ARHGEF33: variants seen among roughly 807,000 people sequenced by gnomAD.
ARHGEF33 encodes Rho guanine nucleotide exchange factor 33.
In ARHGEF33, 72 loss-of-function variants were observed where a neutral mutation model predicts 101.9. The observed-to-expected ratio is 0.71, with a 90% CI of 0.58 to 0.86. The LOEUF is 0.86. Ranked by LOEUF, ARHGEF33 falls within the 40% of genes least tolerant of loss-of-function variation. The pLI is 0.00. For missense variants in ARHGEF33, 1,169 were observed against 1,111.3 expected (o/e 1.05, Z -0.74); for synonymous variants, 499 against 442.5 (o/e 1.13, Z -1.60).
intron 2 of ARHGEF33, among the ~76,000 whole-genome samples, chr2:38,916,022 C>G (rs921314776): frequency 1.3e-5 from 2 of 151,922 alleles, no homozygotes; most frequent in Non-Finnish European, 2.9e-5. Flanking sequence ...GACTCTGTCT[C>G]TACAAAAAAT....
chr2:38,894,424 A>G (rs1193105756), intron 1 of ARHGEF33, among the ~76,000 whole-genome samples: 3 of 2,850 alleles, frequency 1.1e-3, no homozygotes, highest in Non-Finnish European at 0.017. Context: ...ATGCTGGGGG[A>G]AAAAAAAAAA....
chr2:38,958,159 A>T lies in ARHGEF33; in HGVS notation c.1496A>T (p.Gln499Leu), dbSNP rs947822328. The T allele has an allele frequency of 2.6e-6, 4 of 1,551,818 alleles. No individual in the cohort carries two copies. Among genetic ancestry groups the T allele is most frequent in the Non-Finnish European group, 3.5e-6 (4 of 1,147,030 alleles). The part of the protein sequence containing the change: ...DTGIHSEELL[Q>L]PYPSAPSSGP... ...GGGATCCACTCAGAAGAGTTGCTGC[A>T]ACCCTACCCTTCTGCTCCCAGTTCT... Residue 499 changes from glutamine (Q) to leucine (L), a missense_variant, in exon 15 of 18, where the codon CAA becomes CTA. Coordinates refer to ENST00000409978, the MANE Select transcript of ARHGEF33 (RefSeq NM_001145451.5).
At chr2:38,890,797 G>T (rs1665979796) in intron 1 of ARHGEF33, among the ~76,000 whole-genome samples, 1 of 152,052 alleles carries the variant, frequency 6.6e-6, no homozygotes, top group African/African-American at 2.4e-5. Flanking sequence ...TCAACATAAT[G>T]ATCAGAAATG....
chr2:38,929,932 C>T, intron 6 of ARHGEF33, 102 bp downstream of exon 6: 1 of 945,204 alleles, frequency 1.1e-6, no homozygotes, highest in Non-Finnish European at 1.5e-6. Context: ...AGCTAGCTGG[C>T]CACTGTGCTC....
intron 10 of ARHGEF33, among the ~76,000 whole-genome samples, chr2:38,947,539 AC>A (rs1392819857): frequency 2.6e-5 from 4 of 152,208 alleles, no homozygotes; most frequent in African/African-American, 9.6e-5. Context: ...GGCATGAGCC[AC>A]CCTGTGCTCT....
intron 2 of ARHGEF33, among the ~76,000 whole-genome samples, chr2:38,908,518 T>G (rs924088879): frequency 6.6e-6 from 1 of 152,234 alleles, no homozygotes; most frequent in African/African-American, 2.4e-5. Context: ...TCTTGACTGA[T>G]GTAGACACAT....
intron 17 of ARHGEF33, 39 bp from the exon 18 acceptor site, chr2:38,973,675 C>G: frequency 6.9e-7 from 1 of 1,440,750 alleles, no homozygotes; most frequent in Non-Finnish European, 9.2e-7. Context: ...CAATTAAAAC[C>G]AAATCAACCT....
chr2:38,971,915 G>T (rs1346161870), intron 17 of ARHGEF33: 2 of 718,398 alleles, frequency 2.8e-6, no homozygotes, highest in East Asian at 5.4e-5. Flanking sequence ...CTTGGGGCTG[G>T]TGGTGACATC....
In ARHGEF33 at chr2:38,973,979, A is replaced by G. The variant is rs995830947; in HGVS notation, c.*136A>G. On this transcript the variant is annotated 3_prime_UTR_variant, in exon 18 of 18. Transcript: ENST00000409978. ...GTATAAATCCCTGAGGAAAACTAAT[A>G]TAAATACTTACATATGAAACTAAAC... 115 of 507,984 alleles carry G rather than the reference A, an allele frequency of 2.3e-4. No individual in the cohort carries two copies. The highest frequency in any genetic ancestry group is 9.2e-4 in the South Asian group (10 of 10,830). 31.5% of individuals were successfully genotyped at this position (507,984 alleles called of 1,614,324 possible).
chr2:38,904,917 A>T (rs940736821), intron 2 of ARHGEF33, among the ~76,000 whole-genome samples: 4 of 152,168 alleles, frequency 2.6e-5, no homozygotes, highest in African/African-American at 4.8e-5. Flanking sequence ...AAAGCAAAGG[A>T]GAAAATGAAA....
At chr2:38,928,098 C>T (rs527759912) in intron 4 of ARHGEF33, among the ~76,000 whole-genome samples, 6 of 152,272 alleles carry the variant, frequency 3.9e-5, no homozygotes, top group African/African-American at 1.4e-4. Context: ...ATTATTATAG[C>T]TATTTTATGG....
intron 9 of ARHGEF33, among the ~76,000 whole-genome samples, chr2:38,939,254 G>A (rs1024748492): frequency 1.3e-5 from 2 of 152,202 alleles, no homozygotes; most frequent in East Asian, 1.9e-4. Flanking sequence ...GATTACAGGC[G>A]TAAGCCACTG....
chr2:38,973,911 A>AATAT lies in ARHGEF33; in HGVS notation c.*79_*82dup, dbSNP rs369179124. 1.6e-5 allele frequency: 17 copies of AATAT among 1,031,342 alleles called. No homozygotes were observed. The East Asian group carries it at 3.0e-4, about 18-fold the overall frequency. The allele number at this position is 1,031,342 out of a possible 1,614,324, so 63.9% of individuals were successfully genotyped here. A position where few individuals can be genotyped will look rare whatever the true frequency, so the allele number is the denominator to read the frequency against. On this transcript the variant is annotated 3_prime_UTR_variant, in exon 18 of 18. Transcript: ENST00000409978. ...AAAAGCTTGTATATATCTGTGTAGG[A>AATAT]ATATATATATATATCTATATCTATA... is the stretch of plus-strand genomic sequence containing the variant.
Position 38,944,875 on chromosome 2 carries a change from G to GT in ARHGEF33, c.920+845_920+846insT, listed in dbSNP as rs1667401649. On this transcript the variant is annotated intron_variant, in intron 10 of 17. Transcript: ENST00000409978. ...GATCTTATGGTACTGAGTAATGCAT[G>GT]GGTGTGTGTGTGTGTGTGTGTGTGT... Among the ~76,000 whole-genome samples the GT allele has an allele frequency of 4.2e-5, 3 of 70,692 alleles. No individual in the cohort carries two copies. The South Asian group carries it at 1.4e-3, about 34-fold the overall frequency. 46.4% of individuals were successfully genotyped at this position (70,692 alleles called of 152,430 possible).
chr2:38,966,036 T>G lies in ARHGEF33; in HGVS notation c.2374T>G (p.Cys792Gly). 7 of 1,551,690 alleles carry G rather than the reference T, an allele frequency of 4.5e-6. No homozygotes were observed. Among genetic ancestry groups the G allele is most frequent in the Non-Finnish European group, 6.1e-6 (7 of 1,146,970 alleles). Residue 792 changes from cysteine to glycine, a missense_variant, in exon 17 of 18, where the codon TGT becomes GGT. Transcript: ENST00000409978. ...GCATTTAGAAGATACTACCAGATTCTGTCCCAAAGAAGAAAGAGAAAGTGA... is the reference window on the plus strand; with the variant it reads ...GCATTTAGAAGATACTACCAGATTCGGTCCCAAAGAAGAAAGAGAAAGTGA... ...EMHLEDTTRF[C>G]PKEERESEQT... is the part of the protein sequence containing the mutation.
intron 17 of ARHGEF33, among the ~76,000 whole-genome samples, chr2:38,970,728 C>G (rs578074226): frequency 1.3e-5 from 2 of 152,302 alleles, no homozygotes; most frequent in East Asian, 1.9e-4. Flanking sequence ...AGGTATAGTA[C>G]GTAGCACATA....
Position 38,928,934 on chromosome 2 carries a change from A to G in ARHGEF33, c.103A>G (p.Thr35Ala). 1 of 1,550,432 alleles carries G rather than the reference A, an allele frequency of 6.4e-7. No homozygotes were observed. Among genetic ancestry groups the G allele is most frequent in the South Asian group, 1.2e-5 (1 of 83,612 alleles). Residue 35 changes from threonine (T) to alanine (A), a missense_variant, in exon 5 of 18, where the codon ACT becomes GCT. Physicochemically the swap from Thr to Ala is moderately conservative, Grantham distance 58. Transcript: ENST00000409978. ...QLQALASELK[T>A]GFTEAMQELS... ...GCAGGCCCTAGCCTCCGAACTCAAA[A>G]CTGGTTTCACAGAAGCAATGCAAGA...
chr2:38,909,476 C>A (rs1475877251), intron 2 of ARHGEF33, among the ~76,000 whole-genome samples: 2 of 151,048 alleles, frequency 1.3e-5, no homozygotes, highest in Non-Finnish European at 3.0e-5. Flanking sequence ...AGTGCACCAC[C>A]ACGACTGGCT....
chr2:38,918,454 C>T (rs1666683096), intron 2 of ARHGEF33, among the ~76,000 whole-genome samples: 1 of 152,086 alleles, frequency 6.6e-6, no homozygotes, highest in African/African-American at 2.4e-5. Flanking sequence ...GGCATCTGAT[C>T]AAGTCTCATA....
Sources: allele counts gnomAD v4.1 joint callset (sites outside exome capture counted in the v4.1 genomes callset), GRCh38; gene constraint gnomAD v4.1.1; transcripts MANE v1.5; gene names NCBI Gene and HGNC (gene_info 2026-07-23, HGNC 2026-07-21).